Variants in BLK observed in about 807,000 individuals in gnomAD.
The protein encoded by BLK is tyrosine-protein kinase Blk.
In BLK, 64 loss-of-function variants were observed where a neutral mutation model predicts 61.8. The observed-to-expected ratio is 1.03, with a 90% CI of 0.85 to 1.27. The LOEUF is 1.27. Among genes scored for constraint, BLK ranks in the 50% most tolerant of loss-of-function variants. The pLI is 0.00. For synonymous variants in BLK, 351 were observed against 272.0 expected, an observed-to-expected ratio of 1.29 and a Z score of -2.86; for missense variants, 853 against 660.5, an observed-to-expected ratio of 1.29 and a Z score of -3.19.
chr8:11,563,829 G>T (rs1801601130), intron 12 of BLK, 74 bp from the exon 13 acceptor site: 35 of 1,436,490 alleles, frequency 2.4e-5, no homozygotes, highest in Non-Finnish European at 3.2e-5. Context: ...ACTGTGCCCC[G>T]CGGGACGCTC....
intron 6 of BLK, among the ~76,000 whole-genome samples, chr8:11,551,608 A>C (rs919782751): frequency 2.6e-5 from 4 of 152,184 alleles, no homozygotes; most frequent in Non-Finnish European, 1.5e-5. Context: ...GAGCCTGTTC[A>C]TGTTCATTGC....
At position 11,504,415 on chromosome 8, in the gene BLK, A is replaced by AG. The variant is rs1366288196; in HGVS notation, c.-2+9824_-2+9825insG. On this transcript the variant is annotated intron_variant, in intron 1 of 12. Coordinates refer to ENST00000259089, the MANE Select transcript of BLK (RefSeq NM_001715.3). ...AGAAAAGAAAAGAAAAGAAAAGAAA[A>AG]AAAAAAGAAAAGATCCCATTCACCT... 5.5e-3 allele frequency among the ~76,000 whole-genome samples: 824 copies of AG among 150,284 alleles called. 10 individuals are homozygous for AG. The highest frequency in any genetic ancestry group is 0.019 in the African/African-American group (787 of 40,380).
intron 1 of BLK, among the ~76,000 whole-genome samples, chr8:11,522,915 G>C (rs1178400375): frequency 1.3e-5 from 2 of 152,076 alleles, no homozygotes; most frequent in African/African-American, 4.8e-5. Flanking sequence ...ATTTTGGAGA[G>C]AAAGAGAGGA....
chr8:11,559,870 C>T, intron 10 of BLK: 2 of 456,056 alleles, frequency 4.4e-6, no homozygotes, highest in Non-Finnish European at 8.8e-6. Context: ...CCAGAGAGCC[C>T]TTAGCTCAGG....
At chr8:11,561,864 G>A (rs1034528580) in intron 11 of BLK, among the ~76,000 whole-genome samples, 14 of 151,646 alleles carry the variant, frequency 9.2e-5, no homozygotes, top group African/African-American at 3.2e-4. Flanking sequence ...TGTCACCCAG[G>A]CTGGAGTGCA....
intron 1 of BLK, among the ~76,000 whole-genome samples, chr8:11,538,890 T>C (rs1342576525): frequency 3.9e-5 from 6 of 152,154 alleles, no homozygotes; most frequent in African/African-American, 1.4e-4. Flanking sequence ...ATCACTCAAA[T>C]CCTCCTTTTA....
At chr8:11,559,767 C>G (rs1801403282) in intron 10 of BLK, 1 of 456,152 alleles carries the variant, frequency 2.2e-6, no homozygotes, top group Non-Finnish European at 4.4e-6. Flanking sequence ...GCCCAGGAAG[C>G]CTTGAACACT....
rs141865425 is a variant in BLK, at chr8:11,555,425, G to A, written c.713G>A (p.Arg238Gln). Reference protein sequence around the residue: ...PWAQDEWEIPRQSLRLVRKLG... With the variant: ...PWAQDEWEIPQQSLRLVRKLG... The stretch of plus-strand genomic sequence containing the variant: ...GCCCAGGATGAATGGGAGATCCCCC[G>A]GCAGTCTCTCAGGCTGGTCAGGAAA... Residue 238 changes from arginine (R) to glutamine (Q), a missense_variant, in exon 8 of 13, where the codon CGG (arginine) becomes CAG (glutamine). By Grantham distance (43) the Arg-to-Gln change is conservative. Transcript: ENST00000259089. The A allele has an allele frequency of 4.6e-3, 7,364 of 1,614,156 alleles. 24 individuals are homozygous for A. The highest frequency in any genetic ancestry group is 5.5e-3 in the Non-Finnish European group (6,470 of 1,180,008).
rs76735681 is a variant in BLK, at chr8:11,539,826, A to C, written c.-1-3398A>C. Among the ~76,000 whole-genome samples the C allele has an allele frequency of 5.3e-3, 807 of 152,280 alleles. 3 individuals carry two copies. The highest frequency in any genetic ancestry group is 0.018 in the African/African-American group (762 of 41,560). ...CAATAATTATAACAAACATTTTACTATTTGGGTTTGTGTTGCACTAACTTC... is the reference window on the plus strand; with the variant it reads ...CAATAATTATAACAAACATTTTACTCTTTGGGTTTGTGTTGCACTAACTTC... On this transcript the variant is annotated intron_variant, in intron 1 of 12. Transcript: ENST00000259089.
intron 1 of BLK, among the ~76,000 whole-genome samples, chr8:11,527,706 G>A (rs1368692747): frequency 6.6e-6 from 1 of 151,574 alleles, no homozygotes; most frequent in Non-Finnish European, 1.5e-5. Context: ...GGGGCCACAG[G>A]ACAAGTTGAG....
Position 11,536,475 on chromosome 8 carries a change from C to T in BLK, c.-1-6749C>T, listed in dbSNP as rs141027743. Among the ~76,000 whole-genome samples the T allele has an allele frequency of 5.4e-3, 820 of 152,292 alleles. 8 individuals carry two copies. The highest frequency in any genetic ancestry group is 0.017 in the African/African-American group (689 of 41,548). ...GCAGGATCTTGGCTCACTGCAACCT[C>T]CACCTCCTGGTTTCAAGCGATTCTC... is the stretch of plus-strand genomic sequence containing the variant. On this transcript the variant is annotated intron_variant, in intron 1 of 12. Coordinates refer to ENST00000259089, the MANE Select transcript of BLK (RefSeq NM_001715.3).
chr8:11,524,596 C>T (rs1039946094), intron 1 of BLK, among the ~76,000 whole-genome samples: 2 of 152,154 alleles, frequency 1.3e-5, no homozygotes, highest in Non-Finnish European at 2.9e-5. Context: ...TATGTATGCT[C>T]TTGAGCGTGG....
At chr8:11,558,270 G>A (rs1423778700) in intron 10 of BLK, among the ~76,000 whole-genome samples, 2 of 152,194 alleles carry the variant, frequency 1.3e-5, no homozygotes, top group Non-Finnish European at 2.9e-5. Flanking sequence ...AGGGAATGGA[G>A]CCTTAGACCC....
chr8:11,537,807 T>C (rs1046620477), intron 1 of BLK, among the ~76,000 whole-genome samples: 3 of 151,936 alleles, frequency 2.0e-5, no homozygotes, highest in African/African-American at 4.8e-5. Context: ...AAATAAGGGG[T>C]TTCTAGTTTC....
chr8:11,561,572 T>A lies in BLK; in HGVS notation c.1180+120T>A, dbSNP rs1010367356. 206 of 1,298,410 alleles carry A rather than the reference T, an allele frequency of 1.6e-4. 3 individuals carry two copies. In the Middle Eastern group the frequency reaches 3.5e-3, roughly 22 times the overall value. The allele number at this position is 1,298,410 out of a possible 1,614,324, so 80.4% of individuals were successfully genotyped here. A position where few individuals can be genotyped will look rare whatever the true frequency, so the allele number is the denominator to read the frequency against. ...GAAGACACCTGAGGGCTATACGGTT[T>A]CTACAGCTCTAGATCAGCATTTCCT... On this transcript the variant is annotated intron_variant, in intron 11 of 12. Transcript: ENST00000259089.
chr8:11,564,480 C>T lies in BLK; in HGVS notation c.*372C>T, dbSNP rs747653864. On this transcript the variant is annotated 3_prime_UTR_variant, in exon 13 of 13. Transcript: ENST00000259089. The stretch of plus-strand genomic sequence containing the variant: ...CCCCGCCTCTGCGCCCTGCGTGGAC[C>T]CCGCCCTGCCCCGCTACAGAAGCCA... The T allele has an allele frequency of 1.9e-6, 1 of 521,590 alleles. No individual in the cohort carries two copies. The highest frequency in any genetic ancestry group is 1.5e-5 in the South Asian group (1 of 65,038). The allele number at this position is 521,590 out of a possible 1,614,324, so 32.3% of individuals were successfully genotyped here. A position where few individuals can be genotyped will look rare whatever the true frequency, so the allele number is the denominator to read the frequency against.
At chr8:11,518,929 G>A (rs1264968737) in intron 1 of BLK, among the ~76,000 whole-genome samples, 1 of 152,088 alleles carries the variant, frequency 6.6e-6, no homozygotes, top group Non-Finnish European at 1.5e-5. Flanking sequence ...TCCAGCATAC[G>A]TCGCACTTTC....
intron 1 of BLK, among the ~76,000 whole-genome samples, chr8:11,533,605 AAGGAG>A (rs1799987579): frequency 1.8e-5 from 2 of 113,116 alleles, no homozygotes; most frequent in Non-Finnish European, 3.7e-5. Flanking sequence ...GGAGGAGGAG[AAGGAG>A]GAGGAGAGGA....
Position 11,549,070 on chromosome 8 carries a change from G to A in BLK, c.316G>A (p.Gly106Ser), listed in dbSNP as rs549713686. The change falls in exon 5 of 13, where the codon GGC (glycine) becomes AGC (serine). Residue 106 changes from glycine to serine, a missense_variant. Coordinates refer to ENST00000259089, the MANE Select transcript of BLK (RefSeq NM_001715.3). ...LARSLVTGREGYVPSNFVARV... is the reference protein window; with the variant it reads ...LARSLVTGRESYVPSNFVARV... Reference sequence around the variant, plus strand: ...CAGGTCACTCGTCACAGGAAGAGAAGGCTATGTGCCCAGTAACTTTGTGGC... The same window carrying A: ...CAGGTCACTCGTCACAGGAAGAGAAAGCTATGTGCCCAGTAACTTTGTGGC... The A allele has an allele frequency of 1.2e-6, 2 of 1,611,904 alleles. No homozygotes were observed. The highest frequency in any genetic ancestry group is 2.2e-5 in the South Asian group (2 of 90,082).
Sources: allele counts gnomAD v4.1 joint callset (sites outside exome capture counted in the v4.1 genomes callset), GRCh38; gene constraint gnomAD v4.1.1; transcripts MANE v1.5; gene names NCBI Gene and HGNC (gene_info 2026-07-23, HGNC 2026-07-21).